Variants in IL1RN observed in about 807,000 individuals in gnomAD.
The protein encoded by IL1RN is interleukin-1 receptor antagonist protein.
In IL1RN, 10 loss-of-function variants were observed where a neutral mutation model predicts 13.7. That is an observed-to-expected ratio of 0.73 (90% CI 0.45 to 1.24). The LOEUF (loss-of-function observed/expected upper bound fraction) is 1.24. Ranked by LOEUF, IL1RN falls within the 50% of genes most tolerant of loss-of-function variation. IL1RN has a pLI of 0.00. For missense variants in IL1RN, 213 were observed against 222.1 expected (o/e 0.96, Z 0.26); for synonymous variants, 102 against 82.7 (o/e 1.23, Z -1.27).
At position 113,120,129 on chromosome 2, in the gene IL1RN, G is replaced by A. The variant is rs1050538405; in HGVS notation, c.73+1G>A. ...GGTGAAGACAATGCTGACTCAAAGG[G>A]TAAATTATTTTTAGGATCCAAGTTT... On this transcript the variant is annotated splice_donor_variant, in intron 2 of 5. Transcript: ENST00000259206. LOFTEE classifies it high-confidence loss of function. 38 of 1,610,998 alleles carry A rather than the reference G, an allele frequency of 2.4e-5. No individual in the cohort carries two copies. The highest frequency in any genetic ancestry group is 2.8e-5 in the Non-Finnish European group (33 of 1,177,756).
the IL1RN span, among the ~76,000 whole-genome samples, chr2:113,099,822 C>T: frequency 7.0e-6 from 1 of 143,658 alleles, no homozygotes; most frequent in African/African-American, 2.5e-5. Flanking sequence ...GCAAGCTCCG[C>T]CTCCCGGGTT....
At position 113,132,657 on chromosome 2, in the gene IL1RN, C is replaced by G; in HGVS notation, c.320C>G (p.Ala107Gly). The G allele has an allele frequency of 6.2e-7, 1 of 1,613,812 alleles. No individual in the cohort carries two copies. Among genetic ancestry groups the G allele is most frequent in the Non-Finnish European group, 8.5e-7 (1 of 1,179,688 alleles). The change falls in exon 4 of 4, where the codon GCA becomes GGA. Residue 107 changes from alanine (A) to glycine (G), a missense_variant and splice_region_variant. By Grantham distance (60) the Ala-to-Gly change is moderately conservative (BLOSUM62 0). Coordinates refer to ENST00000409930, the MANE Select transcript of IL1RN (RefSeq NM_173842.3). ...ACCTGCCCATCTTTTGATTTCCAGG[C>G]AGTTAACATCACTGACCTGAGCGAG... Reference protein sequence around the residue: ...SGDETRLQLEAVNITDLSENR... With the variant: ...SGDETRLQLEGVNITDLSENR...
chr2:113,127,550 G>A (rs1399475776), upstream of IL1RN: 3 of 1,570,386 alleles, frequency 1.9e-6, no homozygotes, highest in Middle Eastern at 1.7e-4. Flanking sequence ...GCCTAGCTTG[G>A]GTGAGTGACT....
intron 2 of IL1RN, among the ~76,000 whole-genome samples, chr2:113,121,096 C>CTCTTCCTCTTCCTCT (rs1349219708): frequency 7.3e-6 from 1 of 137,256 alleles, no homozygotes; most frequent in Non-Finnish European, 1.6e-5. Context: ...CTTCTTCTTC[C>CTCTTCCTCTTCCTCT]TCTTCCTCTT....
At chr2:113,105,122 G>A (rs1055319199), upstream of IL1RN, among the ~76,000 whole-genome samples, 1 of 152,198 alleles carries the variant, frequency 6.6e-6, no homozygotes. Context: ...AGGGGTGGAT[G>A]AGTTTCTGGC....
chr2:113,107,287 A>T (rs1686401038), upstream of IL1RN: 1 of 152,258 alleles, frequency 6.6e-6, no homozygotes, highest in Non-Finnish European at 1.5e-5. Context: ...TGAATCTGTA[A>T]ATCACCAAAG....
At chr2:113,105,525 A>G (rs1250295948), upstream of IL1RN, among the ~76,000 whole-genome samples, 1 of 152,242 alleles carries the variant, frequency 6.6e-6, no homozygotes, top group African/African-American at 2.4e-5. Flanking sequence ...TCATCCAATC[A>G]TGAGGCACAA....
In IL1RN at chr2:113,133,212, T is replaced by C; in HGVS notation, c.*341T>C. ...TGCCTCTTCCTCCCTCATTCCACCTTCCCATGCCCTGGATCCATCAGGCCA... is the reference window on the plus strand; with the variant it reads ...TGCCTCTTCCTCCCTCATTCCACCTCCCCATGCCCTGGATCCATCAGGCCA... On this transcript the variant is annotated 3_prime_UTR_variant, in exon 4 of 4. Coordinates refer to ENST00000409930, the MANE Select transcript of IL1RN (RefSeq NM_173842.3). 2.5e-6 allele frequency: 1 copy of C among 402,414 alleles called. No individual in the cohort carries two copies. The highest frequency in any genetic ancestry group is 4.7e-6 in the Non-Finnish European group (1 of 211,760). The allele number at this position is 402,414 out of a possible 1,614,324, so 24.9% of individuals were successfully genotyped here.
At chr2:113,132,631 C>T in intron 3 of IL1RN, 25 bp from the exon 4 acceptor site, 4 of 1,606,642 alleles carry the variant, frequency 2.5e-6, no homozygotes, top group South Asian at 1.1e-5. Context: ...CCTCAGCTCT[C>T]ACCTGCCCAT....
upstream of IL1RN, among the ~76,000 whole-genome samples, chr2:113,105,042 G>GA (rs1686366880): frequency 6.6e-6 from 1 of 152,206 alleles, no homozygotes; most frequent in Non-Finnish European, 1.5e-5. Context: ...ACCCTGAAAG[G>GA]AAGTTGTAAC....
upstream of IL1RN, chr2:113,117,895 G>T: frequency 1.3e-6 from 1 of 778,542 alleles, no homozygotes; most frequent in Admixed American, 1.7e-5. Context: ...GGAAGGAGGG[G>T]CAGCTCCACC....
chr2:113,113,288 A>T (rs1686532190), upstream of IL1RN, among the ~76,000 whole-genome samples: 1 of 152,236 alleles, frequency 6.6e-6, no homozygotes, highest in Admixed American at 6.5e-5. Flanking sequence ...ATGGACCTGG[A>T]GGGAATTATG....
chr2:113,118,246 G>C (rs916013781), intron 1 of IL1RN, among the ~76,000 whole-genome samples: 10 of 152,254 alleles, frequency 6.6e-5, no homozygotes, highest in Non-Finnish European at 1.2e-4. Flanking sequence ...CCTAGTGCCT[G>C]CTGGGGCAGC....
chr2:113,132,982 G>C lies in IL1RN; in HGVS notation c.*111G>C. On this transcript the variant is annotated 3_prime_UTR_variant, in exon 4 of 4. Coordinates refer to ENST00000409930, the MANE Select transcript of IL1RN (RefSeq NM_173842.3). ...GGGGGCACTGAGGACCAGCCATTGA[G>C]GGGTGGACCCTCAGAAGGCGTCACA... 9.6e-7 allele frequency: 1 copy of C among 1,038,160 alleles called. No homozygotes were observed. Among genetic ancestry groups the C allele is most frequent in the Non-Finnish European group, 1.5e-6 (1 of 666,626 alleles). The allele number at this position is 1,038,160 out of a possible 1,614,324, so 64.3% of individuals were successfully genotyped here. A position where few individuals can be genotyped will look rare whatever the true frequency, so the allele number is the denominator to read the frequency against.
intron 2 of IL1RN, among the ~76,000 whole-genome samples, chr2:113,121,000 T>C (rs1558864123): frequency 6.6e-6 from 1 of 150,986 alleles, no homozygotes; most frequent in Non-Finnish European, 1.5e-5. Flanking sequence ...CCTTCTCCTC[T>C]TCTTCTTCCT....
At chr2:113,130,545 G>A (rs1157007777) in intron 2 of IL1RN, among the ~76,000 whole-genome samples, 1 of 152,054 alleles carries the variant, frequency 6.6e-6, no homozygotes, top group Non-Finnish European at 1.5e-5. Flanking sequence ...GGGAAAGTGA[G>A]GGAAATATGG....
At chr2:113,122,801 T>G (rs1224112737), upstream of IL1RN, among the ~76,000 whole-genome samples, 1 of 152,142 alleles carries the variant, frequency 6.6e-6, no homozygotes, top group Non-Finnish European at 1.5e-5. Flanking sequence ...CTACTCAAAC[T>G]CCAGCCATCC....
chr2:113,129,127 G>T (rs1358692734), intron 1 of IL1RN, among the ~76,000 whole-genome samples: 2 of 152,210 alleles, frequency 1.3e-5, no homozygotes, highest in African/African-American at 2.4e-5. Context: ...TTAAATGAAT[G>T]AAAATAGAAG....
chr2:113,106,928 G>C (rs315923), upstream of IL1RN, among the ~76,000 whole-genome samples: 19,399 of 152,124 alleles, frequency 0.13, 1,588 homozygotes, highest in Non-Finnish European at 0.19. Flanking sequence ...AATACATACA[G>C]TTATTGAAGT....
Sources: gnomAD v4.1 joint callset for allele counts (sites outside exome capture counted in the v4.1 genomes callset) on GRCh38, gnomAD v4.1.1 for gene constraint, MANE v1.5 for transcripts, NCBI Gene and HGNC (gene_info 2026-07-23, HGNC 2026-07-21) for gene names.